Variants in SPPL2C observed in about 807,000 individuals in gnomAD.
SPPL2C encodes signal peptide peptidase like 2C.
In SPPL2C, 33 loss-of-function variants were observed where a neutral mutation model predicts 38.8. The ratio of observed to expected loss-of-function variants is 0.85; its 90% CI spans 0.64 to 1.14. The LOEUF (loss-of-function observed/expected upper bound fraction) is 1.14. SPPL2C is among the 50% of genes most tolerant of loss of function. The pLI, the probability that SPPL2C is intolerant of heterozygous loss-of-function variation, is 0.00. For missense variants in SPPL2C, 899 were observed against 904.4 expected, an observed-to-expected ratio of 0.99 and a Z score of 0.08; for synonymous variants, 384 against 390.7, an observed-to-expected ratio of 0.98 and a Z score of 0.20.
Position 45,845,654 on chromosome 17 carries a change from G to C in SPPL2C, c.748G>C (p.Asp250His), listed in dbSNP as rs770604717. 1 of 1,613,676 alleles carries C rather than the reference G, an allele frequency of 6.2e-7. No individual in the cohort carries two copies. The highest frequency in any genetic ancestry group is 1.1e-5 in the South Asian group (1 of 91,090). ...GGAAGATAATGAGGACATCCCAGTG[G>C]ACTTCACGCCGGCCATGACAGGCGT... Reference protein sequence around the residue: ...QKEDNEDIPVDFTPAMTGVVV... With the variant: ...QKEDNEDIPVHFTPAMTGVVV... Residue 250 changes from aspartate to histidine, a missense_variant, in exon 1 of 1, where the codon GAC (aspartate) becomes CAC (histidine). By Grantham distance (81) the Asp-to-His change is moderately conservative. Transcript: ENST00000329196.
At position 45,846,387 on chromosome 17, in the gene SPPL2C, T is replaced by C. The variant is rs146712594; in HGVS notation, c.1481T>C (p.Met494Thr). The C allele has an allele frequency of 1.9e-6, 3 of 1,613,696 alleles. No homozygotes were observed. The highest frequency in any genetic ancestry group is 4.5e-5 in the East Asian group (2 of 44,874). ...LLVTFMAMVL[M>T]QMGQPALLYL... The stretch of plus-strand genomic sequence containing the variant: ...GTCACATTCATGGCCATGGTCCTCA[T>C]GCAGATGGGCCAACCTGCCTTGCTC... The change falls in exon 1 of 1, where the codon ATG becomes ACG. Residue 494 changes from methionine to threonine, a missense_variant. Coordinates refer to ENST00000329196, the MANE Select transcript of SPPL2C (RefSeq NM_175882.3).
chr17:45,845,314 C>T lies in SPPL2C; in HGVS notation c.408C>T (p.Pro136=), dbSNP rs756596265. 3.1e-6 allele frequency: 5 copies of T among 1,613,920 alleles called. No individual in the cohort carries two copies. In the African/African-American group the frequency reaches 5.3e-5, roughly 17 times the overall value. The change falls in exon 1 of 1, where the codon CCC becomes CCT. Residue 136 remains proline, a synonymous_variant. Transcript: ENST00000329196. ...AGTGCTCAGACACCACCCTGGCACC[C>T]CAGGATCCCCGCCAGCCCCTGGCAG... is the stretch of plus-strand genomic sequence containing the variant. The part of the protein sequence containing the change: ...DQQCSDTTLA[P]QDPRQPLADL...
In SPPL2C at chr17:45,845,828, C is replaced by T; in HGVS notation, c.922C>T (p.Gln308Ter). ...CCTGGTGTGCCGCCTGTCCCTGCGG[C>T]AATACCAGAGGCCTCCGCACAGCCT... The part of the protein sequence containing the change: ...SPLVCRLSLR[Q>*]YQRPPHSLWA... Residue 308 changes from glutamine (Q) to a stop codon, truncating the protein, a stop_gained, in exon 1 of 1, where the codon CAA becomes TAA. Coordinates refer to ENST00000329196, the MANE Select transcript of SPPL2C (RefSeq NM_175882.3). LOFTEE classifies it high-confidence loss of function. 1 of 1,606,930 alleles carries T rather than the reference C, an allele frequency of 6.2e-7. No homozygotes were observed. Among genetic ancestry groups the T allele is most frequent in the Non-Finnish European group, 8.5e-7 (1 of 1,179,942 alleles).
At position 45,846,941 on chromosome 17, in the gene SPPL2C, T is replaced by C; in HGVS notation, c.2035T>C (p.Ser679Pro). 3.2e-6 allele frequency: 5 copies of C among 1,569,730 alleles called. No homozygotes were observed. Among genetic ancestry groups the C allele is most frequent in the Non-Finnish European group, 4.3e-6 (5 of 1,159,432 alleles). ...RKGLKVRKSM[S>P]TQAPL is the part of the protein sequence containing the mutation. The stretch of plus-strand genomic sequence containing the variant: ...GGGTTTGAAAGTAAGAAAGAGCATG[T>C]CGACCCAGGCTCCCTTGTGAACTGG... Residue 679 changes from serine (S) to proline (P), a missense_variant, in exon 1 of 1, where the codon TCG (serine) becomes CCG (proline). Transcript: ENST00000329196.
rs757874674 is a variant in SPPL2C at position 45,845,928 on chromosome 17, A to T, written c.1022A>T (p.Tyr341Phe). The change falls in exon 1 of 1, where the codon TAC becomes TTC. Residue 341 changes from tyrosine (Y) to phenylalanine (F), a missense_variant. Physicochemically the swap from Tyr to Phe is conservative, Grantham distance 22 (BLOSUM62 3). Coordinates refer to ENST00000329196, the MANE Select transcript of SPPL2C (RefSeq NM_175882.3). ...CATVIIFWVA[Y>F]RNEDRWAWLL... is the part of the protein sequence containing the mutation. ...ACCGTGATCATCTTCTGGGTGGCCT[A>T]CCGCAATGAGGACCGCTGGGCGTGG... 1.9e-6 allele frequency: 3 copies of T among 1,608,424 alleles called. No individual in the cohort carries two copies.
chr17:45,845,165 C>A lies in SPPL2C; in HGVS notation c.259C>A (p.Arg87=). ...HQAQLRSPSQ[R]PLRQTTAMVM... Reference sequence around the variant, plus strand: ...GGCCCAGCTCCGCTCCCCCAGCCAGCGGCCCCTCCGCCAGACCACTGCCAT... The same window carrying A: ...GGCCCAGCTCCGCTCCCCCAGCCAGAGGCCCCTCCGCCAGACCACTGCCAT... The change falls in exon 1 of 1, where the codon CGG becomes AGG. Residue 87 remains arginine (R), a synonymous_variant. Coordinates refer to ENST00000329196, the MANE Select transcript of SPPL2C (RefSeq NM_175882.3). 1.9e-6 allele frequency: 3 copies of A among 1,612,332 alleles called. No individual in the cohort carries two copies. The highest frequency in any genetic ancestry group is 2.5e-6 in the Non-Finnish European group (3 of 1,178,662).
In SPPL2C at chr17:45,845,485, G is replaced by C. The variant is rs777963165; in HGVS notation, c.579G>C (p.Leu193=). Residue 193 remains leucine (L), a synonymous_variant, in exon 1 of 1, where the codon CTG becomes CTC. Coordinates refer to ENST00000329196, the MANE Select transcript of SPPL2C (RefSeq NM_175882.3). ...IDYNMLVIFI[L]AVGTVAAGGY... ...ACAACATGCTGGTCATCTTCATCCT[G>C]GCTGTGGGCACAGTGGCTGCAGGCG... 6 of 1,606,906 alleles carry C rather than the reference G, an allele frequency of 3.7e-6. No homozygotes were observed. In the South Asian group the frequency reaches 6.6e-5, roughly 18 times the overall value.
chr17:45,846,927 T>C lies in SPPL2C; in HGVS notation c.2021T>C (p.Val674Ala). The change falls in exon 1 of 1, where the codon GTA becomes GCA. Residue 674 changes from valine to alanine, a missense_variant. By Grantham distance (64) the Val-to-Ala change is moderately conservative (BLOSUM62 0). Transcript: ENST00000329196. ...CTCCACAAGAGGAAGGGTTTGAAAG[T>C]AAGAAAGAGCATGTCGACCCAGGCT... ...AGLHKRKGLK[V>A]RKSMSTQAPL 6.3e-7 allele frequency: 1 copy of C among 1,579,962 alleles called. No homozygotes were observed. The highest frequency in any genetic ancestry group is 8.6e-7 in the Non-Finnish European group (1 of 1,163,538).
rs774363885 is a variant in SPPL2C, at chr17:45,846,003, G to A, written c.1097G>A (p.Arg366His). ...GISYCLFVLH[R>H]VRLPTLKNCS... ...TCCTACTGCCTGTTCGTCCTGCACCGTGTGCGGCTGCCCACTCTCAAGAAC... is the reference window on the plus strand; with the variant it reads ...TCCTACTGCCTGTTCGTCCTGCACCATGTGCGGCTGCCCACTCTCAAGAAC... The change falls in exon 1 of 1, where the codon CGT becomes CAT. Residue 366 changes from arginine (R) to histidine (H), a missense_variant. Transcript: ENST00000329196. 1.4e-4 allele frequency: 233 copies of A among 1,613,580 alleles called. No homozygotes were observed. Among genetic ancestry groups the A allele is most frequent in the Non-Finnish European group, 1.8e-4 (215 of 1,180,032 alleles).
In SPPL2C at chr17:45,845,579, G is replaced by A; in HGVS notation, c.673G>A (p.Gly225Ser). The change falls in exon 1 of 1, where the codon GGT becomes AGT. Residue 225 changes from glycine (G) to serine (S), a missense_variant. Physicochemically the swap from Gly to Ser is moderately conservative, Grantham distance 56. Coordinates refer to ENST00000329196, the MANE Select transcript of SPPL2C (RefSeq NM_175882.3). ...CCGTGCCCGAAGAGGAGGGGGGTCT[G>A]GTGGTCACCATCAGCTGCAGGAAGC... ...RRRARRGGGS[G>S]GHHQLQEAAA... 6.8e-6 allele frequency: 11 copies of A among 1,606,554 alleles called. No individual in the cohort carries two copies. The highest frequency in any genetic ancestry group is 9.3e-6 in the Non-Finnish European group (11 of 1,176,584).
rs544248256 is a variant in SPPL2C at position 45,846,522 on chromosome 17, G to C, written c.1616G>C (p.Cys539Ser). 1.1e-5 allele frequency: 17 copies of C among 1,612,544 alleles called. No homozygotes were observed. The highest frequency in any genetic ancestry group is 8.5e-7 in the Non-Finnish European group (1 of 1,180,040). The change falls in exon 1 of 1, where the codon TGT becomes TCT. Residue 539 changes from cysteine (C) to serine (S), a missense_variant. Cys to Ser is a moderately radical substitution (Grantham distance 112). Transcript: ENST00000329196. ...AGAGCTAAGATGTGTGGGCTCGGCT[G>C]TGCCCCTTCAGCTGGCTCTAGGCAG... is the stretch of plus-strand genomic sequence containing the variant. ...QGRAKMCGLG[C>S]APSAGSRQKQ... is the part of the protein sequence containing the mutation.
chr17:45,845,820 C>A lies in SPPL2C; in HGVS notation c.914C>A (p.Ser305Tyr). The A allele has an allele frequency of 6.2e-7, 1 of 1,607,240 alleles. No homozygotes were observed. The highest frequency in any genetic ancestry group is 8.5e-7 in the Non-Finnish European group (1 of 1,179,944). Residue 305 changes from serine (S) to tyrosine (Y), a missense_variant, in exon 1 of 1, where the codon TCC becomes TAC. Transcript: ENST00000329196. ...SCLSPLVCRL[S>Y]LRQYQRPPHS... ...CTGTCACCCCTGGTGTGCCGCCTGT[C>A]CCTGCGGCAATACCAGAGGCCTCCG...
Position 45,845,440 on chromosome 17 carries a change from C to T in SPPL2C, c.534C>T (p.Pro178=). 2.5e-6 allele frequency: 4 copies of T among 1,611,918 alleles called. No homozygotes were observed. Among genetic ancestry groups the T allele is most frequent in the Non-Finnish European group, 3.4e-6 (4 of 1,180,018 alleles). ...EAVVRVAMYA[P]PEPIIDYNML... is the part of the protein sequence containing the mutation. ...TCGTCCGCGTGGCCATGTACGCACC[C>T]CCAGAGCCCATCATCGACTACAACA... Residue 178 remains proline, a synonymous_variant, in exon 1 of 1, where the codon CCC becomes CCT. Coordinates refer to ENST00000329196, the MANE Select transcript of SPPL2C (RefSeq NM_175882.3).
Position 45,846,227 on chromosome 17 carries a change from T to G in SPPL2C, c.1321T>G (p.Phe441Val). 1 of 1,614,220 alleles carries G rather than the reference T, an allele frequency of 6.2e-7. No homozygotes were observed. The highest frequency in any genetic ancestry group is 8.5e-7 in the Non-Finnish European group (1 of 1,180,036). ...CGCCTTGACCCTGTGCAGCCAGCCC[T>G]TCTCCATCCTTGGCTTCGGTGACAT... ...VSALTLCSQP[F>V]SILGFGDIVV... Residue 441 changes from phenylalanine (F) to valine (V), a missense_variant, in exon 1 of 1, where the codon TTC (phenylalanine) becomes GTC (valine). Coordinates refer to ENST00000329196, the MANE Select transcript of SPPL2C (RefSeq NM_175882.3).
At position 45,845,396 on chromosome 17, in the gene SPPL2C, C is replaced by G. The variant is rs1289492975; in HGVS notation, c.490C>G (p.His164Asp). Residue 164 changes from histidine (H) to aspartate (D), a missense_variant, in exon 1 of 1, where the codon CAC becomes GAC. By Grantham distance (81) the His-to-Asp change is moderately conservative. Transcript: ENST00000329196. ...TGCTGACATGCTGGACATCCTCAGCCACACTCGTGGGGAGGCCGTCGTCCG... is the reference window on the plus strand; with the variant it reads ...TGCTGACATGCTGGACATCCTCAGCGACACTCGTGGGGAGGCCGTCGTCCG... ...HYADMLDILS[H>D]TRGEAVVRVA... 6.2e-7 allele frequency: 1 copy of G among 1,613,630 alleles called. No homozygotes were observed. Among genetic ancestry groups the G allele is most frequent in the South Asian group, 1.1e-5 (1 of 91,086 alleles).
Position 45,845,819 on chromosome 17 carries a change from T to A in SPPL2C, c.913T>A (p.Ser305Thr), listed in dbSNP as rs780809938. Residue 305 changes from serine to threonine, a missense_variant, in exon 1 of 1, where the codon TCC becomes ACC. By Grantham distance (58) the Ser-to-Thr change is moderately conservative. Coordinates refer to ENST00000329196, the MANE Select transcript of SPPL2C (RefSeq NM_175882.3). ...CCTGTCACCCCTGGTGTGCCGCCTG[T>A]CCCTGCGGCAATACCAGAGGCCTCC... ...SCLSPLVCRL[S>T]LRQYQRPPHS... The A allele has an allele frequency of 2.5e-6, 4 of 1,607,252 alleles. No individual in the cohort carries two copies. The highest frequency in any genetic ancestry group is 3.4e-6 in the Non-Finnish European group (4 of 1,179,934).
rs950805523 is a variant in SPPL2C at position 45,845,612 on chromosome 17, G to C, written c.706G>C (p.Ala236Pro). The C allele has an allele frequency of 1.9e-6, 3 of 1,611,026 alleles. No individual in the cohort carries two copies. Among genetic ancestry groups the C allele is most frequent in the Non-Finnish European group, 2.5e-6 (3 of 1,178,810 alleles). ...GHHQLQEAAA[A>P]EGAQKEDNED... ...CCATCAGCTGCAGGAAGCTGCAGCA[G>C]CTGAGGGAGCCCAGAAGGAAGATAA... Residue 236 changes from alanine (A) to proline (P), a missense_variant, in exon 1 of 1, where the codon GCT (alanine) becomes CCT (proline). Transcript: ENST00000329196.
chr17:45,846,492 A>G lies in SPPL2C; in HGVS notation c.1586A>G (p.Gln529Arg). The G allele has an allele frequency of 6.2e-7, 1 of 1,612,650 alleles. No individual in the cohort carries two copies. Among genetic ancestry groups the G allele is most frequent in the East Asian group, 2.2e-5 (1 of 44,900 alleles). The change falls in exon 1 of 1, where the codon CAG becomes CGG. Residue 529 changes from glutamine (Q) to arginine (R), a missense_variant. Coordinates refer to ENST00000329196, the MANE Select transcript of SPPL2C (RefSeq NM_175882.3). ...RQELSLFWTG[Q>R]GRAKMCGLGC... ...GAGCTCAGCCTCTTCTGGACTGGCC[A>G]GGGCAGAGCTAAGATGTGTGGGCTC...
chr17:45,846,333 G>T lies in SPPL2C; in HGVS notation c.1427G>T (p.Cys476Phe), dbSNP rs771614897. ...VCSRQIYFVA[C>F]TVAYAVGLLV... ...TCCCGTCAGATCTACTTCGTGGCCT[G>T]CACCGTGGCCTATGCTGTGGGCCTG... is the stretch of plus-strand genomic sequence containing the variant. Residue 476 changes from cysteine to phenylalanine, a missense_variant, in exon 1 of 1, where the codon TGC becomes TTC. Coordinates refer to ENST00000329196, the MANE Select transcript of SPPL2C (RefSeq NM_175882.3). The T allele has an allele frequency of 6.2e-7, 1 of 1,614,012 alleles. No homozygotes were observed. The highest frequency in any genetic ancestry group is 2.2e-5 in the East Asian group (1 of 44,884).
Sources: gnomAD v4.1 joint callset for allele counts on GRCh38, gnomAD v4.1.1 for gene constraint, MANE v1.5 for transcripts, NCBI Gene and HGNC (gene_info 2026-07-23, HGNC 2026-07-21) for gene names.